DCAF5: variants seen among roughly 807,000 people sequenced by gnomAD.
DCAF5 encodes DDB1 and CUL4 associated factor 5.
A neutral mutation model predicts 80.7 loss-of-function variants in DCAF5; 9 were observed. The ratio of observed to expected loss-of-function variants is 0.11; its 90% CI spans 0.07 to 0.19. The LOEUF (loss-of-function observed/expected upper bound fraction) is 0.19, where lower values mean the gene tolerates loss of function less well. DCAF5 is among the 10% of genes least tolerant of loss of function. The pLI is 1.00. For missense variants in DCAF5, 842 were observed against 1,205.7 expected (o/e 0.70, Z 4.47); for synonymous variants, 433 against 461.9 (o/e 0.94, Z 0.80).
At chr14:69,111,857 T>C (rs2040379819) in intron 5 of DCAF5, among the ~76,000 whole-genome samples, 1 of 152,146 alleles carries the variant, frequency 6.6e-6, no homozygotes, top group African/African-American at 2.4e-5. Context: ...AAGCCTCTCC[T>C]CCCCAGTGAC....
At chr14:69,087,076 T>G (rs2039356866) in intron 6 of DCAF5, among the ~76,000 whole-genome samples, 1 of 152,200 alleles carries the variant, frequency 6.6e-6, no homozygotes, top group Non-Finnish European at 1.5e-5. Flanking sequence ...GCAAACATGC[T>G]TGCTAGACTG....
chr14:69,151,599 C>G (rs1045802240), intron 1 of DCAF5, among the ~76,000 whole-genome samples: 1 of 152,186 alleles, frequency 6.6e-6, no homozygotes, highest in East Asian at 1.9e-4. Context: ...GTCTTCACCC[C>G]CCCTCCCCTG....
Position 69,119,145 on chromosome 14 carries a change from T to C in DCAF5, c.395+49A>G, listed in dbSNP as rs2040629379. On this transcript the variant is annotated intron_variant, in intron 3 of 8. Coordinates refer to ENST00000341516, the MANE Select transcript of DCAF5 (RefSeq NM_003861.3). The stretch of plus-strand genomic sequence containing the variant: ...GTCTAAAGAGATATTTGCCTCTTCA[T>C]ATATGAAAAACAAAGTCAATCACCT... The C allele has an allele frequency of 3.1e-6, 5 of 1,592,304 alleles. No individual in the cohort carries two copies. The South Asian group carries it at 4.6e-5, about 15-fold the overall frequency.
intron 5 of DCAF5, among the ~76,000 whole-genome samples, chr14:69,107,927 G>T (rs546108933): frequency 6.6e-6 from 1 of 152,166 alleles, no homozygotes; most frequent in Non-Finnish European, 1.5e-5. Flanking sequence ...AATAAAACAC[G>T]CACCTGCCCT....
At chr14:69,078,678 T>C (rs1427911430) in intron 6 of DCAF5, among the ~76,000 whole-genome samples, 3 of 152,148 alleles carry the variant, frequency 2.0e-5, no homozygotes, top group Non-Finnish European at 4.4e-5. Context: ...ACAAATACTA[T>C]ATGATCCTAC....
In DCAF5 at chr14:69,055,107, G is replaced by C; in HGVS notation, c.1579C>G (p.Leu527Val). ...RRYQDKRLLA[L>V]SNESDSEENV... is the part of the protein sequence containing the mutation. ...TCCTCAGAATCGGACTCATTGGAAA[G>C]GGCCAGGAGGCGTTTGTCTTGGTAG... The change falls in exon 9 of 9, where the codon CTT becomes GTT. Residue 527 changes from leucine (L) to valine (V), a missense_variant. This residue lies in a region of DCAF5 where 607 missense variants were observed against 656.6 expected (regional missense o/e 0.92). Coordinates refer to ENST00000341516, the MANE Select transcript of DCAF5 (RefSeq NM_003861.3). The surrounding 1 kb of genome is among the most constrained non-coding windows in gnomAD (Gnocchi z 5.6). 6.2e-7 allele frequency: 1 copy of C among 1,614,222 alleles called. No individual in the cohort carries two copies. The highest frequency in any genetic ancestry group is 8.5e-7 in the Non-Finnish European group (1 of 1,180,040).
chr14:69,099,662 G>A (rs2039879875), intron 5 of DCAF5, among the ~76,000 whole-genome samples: 1 of 152,162 alleles, frequency 6.6e-6, no homozygotes, highest in South Asian at 2.1e-4. Flanking sequence ...CAAGTTCCTG[G>A]CTGGGCATGG....
intron 8 of DCAF5, among the ~76,000 whole-genome samples, chr14:69,061,184 G>A (rs559627123): frequency 1.4e-4 from 22 of 151,926 alleles, no homozygotes; most frequent in African/African-American, 5.1e-4. Context: ...TAGAGACCAC[G>A]TCCCACTATG....
rs1241316493 is a variant in DCAF5, at chr14:69,053,813, TTG to T, written c.*42_*43del. 2 of 1,531,568 alleles carry T rather than the reference TTG, an allele frequency of 1.3e-6. No homozygotes were observed. The highest frequency in any genetic ancestry group is 1.7e-6 in the Non-Finnish European group (2 of 1,150,186). The allele number at this position is 1,531,568 out of a possible 1,614,324, so 94.9% of individuals were successfully genotyped here. A position where few individuals can be genotyped will look rare whatever the true frequency, so the allele number is the denominator to read the frequency against. ...TATTCACTAAACAATTTTTTTTTTT[TTG>T]TAAGGCTACTTTTGTAGCTTTTTGT... is the stretch of plus-strand genomic sequence containing the variant. On this transcript the variant is annotated 3_prime_UTR_variant, in exon 9 of 9. Coordinates refer to ENST00000341516, the MANE Select transcript of DCAF5 (RefSeq NM_003861.3).
At chr14:69,056,801 G>A (rs1485255677) in intron 8 of DCAF5, among the ~76,000 whole-genome samples, 1 of 152,144 alleles carries the variant, frequency 6.6e-6, no homozygotes, top group African/African-American at 2.4e-5. Flanking sequence ...CAATTCCTGA[G>A]AGGTGGTATC....
intron 6 of DCAF5, among the ~76,000 whole-genome samples, chr14:69,082,775 G>A (rs1264086237): frequency 2.6e-5 from 4 of 152,186 alleles, no homozygotes; most frequent in African/African-American, 9.7e-5. Flanking sequence ...TTCTGAGGAA[G>A]TAACATTATT....
intron 6 of DCAF5, among the ~76,000 whole-genome samples, chr14:69,079,049 C>T (rs72718291): frequency 0.054 from 8,133 of 151,606 alleles, 324 homozygotes; most frequent in Non-Finnish European, 0.084. Context: ...TTAAAAGAGG[C>T]TATCAACTTC....
intron 1 of DCAF5, among the ~76,000 whole-genome samples, chr14:69,126,144 A>G (rs1305072226): frequency 6.6e-6 from 1 of 151,748 alleles, no homozygotes; most frequent in Admixed American, 6.6e-5. Flanking sequence ...CTAAATAAAT[A>G]GACAGAGATT....
intron 1 of DCAF5, among the ~76,000 whole-genome samples, chr14:69,125,016 ACTT>A (rs1210094943): frequency 6.6e-6 from 1 of 152,280 alleles, no homozygotes; most frequent in Admixed American, 6.5e-5. Context: ...TAATCATAAT[ACTT>A]CTTCTACCTC....
intron 5 of DCAF5, among the ~76,000 whole-genome samples, chr14:69,096,169 A>C (rs1291328337): frequency 6.6e-6 from 1 of 152,236 alleles, no homozygotes; most frequent in Non-Finnish European, 1.5e-5. Flanking sequence ...AAGTATGTTT[A>C]GAGTCCCGAT....
intron 5 of DCAF5, among the ~76,000 whole-genome samples, chr14:69,103,244 A>C (rs930633299): frequency 6.6e-6 from 1 of 152,210 alleles, no homozygotes; most frequent in African/African-American, 2.4e-5. Flanking sequence ...ATATTTTTCT[A>C]CGGGTACATG....
chr14:69,060,692 C>T (rs918004694), intron 8 of DCAF5, among the ~76,000 whole-genome samples: 2 of 152,066 alleles, frequency 1.3e-5, no homozygotes, highest in Admixed American at 6.5e-5. Flanking sequence ...CCACCACACC[C>T]GACTAATTTT....
At chr14:69,091,975 G>C (rs2039548309) in intron 5 of DCAF5, 88 bp from the exon 6 acceptor site, 1 of 1,072,292 alleles carries the variant, frequency 9.3e-7, no homozygotes, top group Non-Finnish European at 1.4e-6. Flanking sequence ...CTCCTGTCAA[G>C]CTTGCATAGC....
At chr14:69,078,703 A>G (rs2139915433) in intron 6 of DCAF5, among the ~76,000 whole-genome samples, 1 of 152,342 alleles carries the variant, frequency 6.6e-6, no homozygotes, top group South Asian at 2.1e-4. Flanking sequence ...GTAGTCATGA[A>G]AATTCAGACA....
Sources: gnomAD v4.1 joint callset for allele counts (sites outside exome capture counted in the v4.1 genomes callset) on GRCh38, gnomAD v4.1.1 for gene constraint, gnomAD v4.1.1 regional missense constraint, Gnocchi (gnomAD v3.1) non-coding constraint, MANE v1.5 for transcripts, NCBI Gene and HGNC (gene_info 2026-07-23, HGNC 2026-07-21) for gene names.